The following TRIM14 variants were observed in gnomAD, a reference collection of about 807,000 sequenced individuals.
The protein encoded by TRIM14 is tripartite motif containing 14.
In TRIM14, 28 loss-of-function variants were observed where a neutral mutation model predicts 44.5. That is an observed-to-expected ratio of 0.63 (90% CI 0.47 to 0.86). The LOEUF is 0.86. Ranked by LOEUF, TRIM14 falls within the 40% of genes least tolerant of loss-of-function variation. The pLI is 0.00. For synonymous variants in TRIM14, 299 were observed against 269.2 expected, an observed-to-expected ratio of 1.11 and a Z score of -1.08; for missense variants, 607 against 611.1, an observed-to-expected ratio of 0.99 and a Z score of 0.07.
chr9:98,057,902 G>GTTTTTTTTTTTTTTCCTTTTTTTTTTT, the TRIM14 span, among the ~76,000 whole-genome samples: 1 of 93,230 alleles, frequency 1.1e-5, no homozygotes, highest in African/African-American at 4.2e-5. Flanking sequence ...TTCTCTTACT[G>GTTTTTTTTTTTTTTCCTTTTTTTTTTT]TTTTTTTTTT....
At chr9:98,041,227 C>T in the TRIM14 span, among the ~76,000 whole-genome samples, 2 of 151,974 alleles carry the variant, frequency 1.3e-5, 1 homozygote, top group Middle Eastern at 6.9e-3. Context: ...GACTTGTAAC[C>T]CACAAATAAT....
the TRIM14 span, among the ~76,000 whole-genome samples, chr9:98,054,983 T>C: frequency 5.3e-5 from 8 of 152,212 alleles, no homozygotes; most frequent in African/African-American, 1.9e-4. Context: ...TCACATCAAT[T>C]TCCCCTAGCA....
At chr9:98,092,027 C>A in intron 4 of TRIM14, 26 bp from the exon 5 acceptor site, 1 of 1,557,210 alleles carries the variant, frequency 6.4e-7, no homozygotes. Context: ...GAGAAATGAG[C>A]GCCCGGAGCT....
Position 98,100,158 on chromosome 9 carries a change from C to A in TRIM14, c.310G>T (p.Ala104Ser). 1.2e-6 allele frequency: 2 copies of A among 1,613,868 alleles called. No individual in the cohort carries two copies. The highest frequency in any genetic ancestry group is 1.7e-6 in the Non-Finnish European group (2 of 1,179,778). The change falls in exon 3 of 6, where the codon GCA becomes TCA. Residue 104 changes from alanine to serine, a missense_variant. By Grantham distance (99) the Ala-to-Ser change is moderately conservative (BLOSUM62 1). This residue lies in a region of TRIM14 where 246 missense variants were observed against 270.8 expected (regional missense o/e 0.91). Transcript: ENST00000341469. ...EDATEKLKANAESSKTWLKGK... is the reference protein window; with the variant it reads ...EDATEKLKANSESSKTWLKGK... Reference sequence around the variant, plus strand: ...TTCAGCCAGGTTTTACTTGACTCTGCATTAGCCTAAAAACAGAAAAACCAG... The same window carrying A: ...TTCAGCCAGGTTTTACTTGACTCTGAATTAGCCTAAAAACAGAAAAACCAG...
At chr9:98,063,087 G>A in the TRIM14 span, among the ~76,000 whole-genome samples, 47 of 151,070 alleles carry the variant, frequency 3.1e-4, no homozygotes, top group African/African-American at 1.1e-3. Context: ...ACCAGGCCTG[G>A]CTGATTTTTT....
chr9:98,045,172 T>C, the TRIM14 span, among the ~76,000 whole-genome samples: 14 of 151,928 alleles, frequency 9.2e-5, no homozygotes, highest in African/African-American at 3.4e-4. Flanking sequence ...AACAACAGCC[T>C]CCTAAGACAG....
At chr9:98,076,472 T>G (rs904901191) in intron 6 of TRIM14, 13 of 166,512 alleles carry the variant, frequency 7.8e-5, no homozygotes, top group Non-Finnish European at 6.4e-5. Context: ...CCTCCCAGGT[T>G]CAAGTGATTC....
At chr9:98,079,800 T>G (rs1829771167), downstream of TRIM14, among the ~76,000 whole-genome samples, 1 of 152,240 alleles carries the variant, frequency 6.6e-6, no homozygotes, top group African/African-American at 2.4e-5. Context: ...TATCCCATCT[T>G]GGGCCTGCAC....
chr9:98,046,054 A>C, the TRIM14 span, among the ~76,000 whole-genome samples: 11 of 152,110 alleles, frequency 7.2e-5, no homozygotes, highest in Admixed American at 2.6e-4. Flanking sequence ...GTAAATGGTA[A>C]TATTGCAGGG....
intron 2 of TRIM14, among the ~76,000 whole-genome samples, chr9:98,103,920 C>T (rs1826501506): frequency 6.6e-6 from 1 of 151,806 alleles, no homozygotes; most frequent in Non-Finnish European, 1.5e-5. Context: ...GCAGAATGAA[C>T]CCAGCACCCA....
intron 5 of TRIM14, among the ~76,000 whole-genome samples, chr9:98,091,180 G>A (rs367641026): frequency 2.6e-5 from 4 of 152,166 alleles, no homozygotes; most frequent in South Asian, 2.1e-4. Context: ...TACAAGAATG[G>A]ATGTTTATTA....
At chr9:98,043,983 G>T in the TRIM14 span, among the ~76,000 whole-genome samples, 1 of 149,128 alleles carries the variant, frequency 6.7e-6, no homozygotes, top group Non-Finnish European at 1.5e-5. Context: ...TGTTTTCTCC[G>T]CCTTCTTAGA....
At chr9:98,039,011 C>T in the TRIM14 span, among the ~76,000 whole-genome samples, 1 of 151,970 alleles carries the variant, frequency 6.6e-6, no homozygotes, top group South Asian at 2.1e-4. Context: ...GGTCGCGCCA[C>T]TGCACCCCAG....
At chr9:98,038,972 C>A in the TRIM14 span, among the ~76,000 whole-genome samples, 2 of 151,656 alleles carry the variant, frequency 1.3e-5, no homozygotes, top group East Asian at 2.0e-4. Flanking sequence ...ATCGCTTGAA[C>A]CCAGGAGGCA....
chr9:98,064,608 C>T (rs1225982877), downstream of TRIM14, among the ~76,000 whole-genome samples: 1 of 152,118 alleles, frequency 6.6e-6, no homozygotes, highest in Admixed American at 6.6e-5. Context: ...TCTTCACATA[C>T]AGTAATATAT....
intron 6 of TRIM14, among the ~76,000 whole-genome samples, chr9:98,073,265 C>T (rs932727475): frequency 7.9e-5 from 11 of 139,978 alleles, no homozygotes; most frequent in African/African-American, 3.0e-4. Context: ...AGCTCATCAC[C>T]ATGGGCTTTT....
At chr9:98,111,587 A>C (rs750526455) in intron 1 of TRIM14, among the ~76,000 whole-genome samples, 1 of 152,222 alleles carries the variant, frequency 6.6e-6, no homozygotes, top group African/African-American at 2.4e-5. Flanking sequence ...TTAAGAATGA[A>C]AAAATTAAAT....
At chr9:98,067,268 A>G (rs961411114), downstream of TRIM14, among the ~76,000 whole-genome samples, 4 of 152,178 alleles carry the variant, frequency 2.6e-5, no homozygotes, top group Non-Finnish European at 4.4e-5. Flanking sequence ...TCGGTATTAC[A>G]TATATGAGTG....
At chr9:98,072,133 C>T (rs1829363741) in intron 6 of TRIM14, among the ~76,000 whole-genome samples, 2 of 152,158 alleles carry the variant, frequency 1.3e-5, no homozygotes. Flanking sequence ...GGCTTGGGCT[C>T]CTCATGTAAC....
Sources: gnomAD v4.1 joint callset for allele counts (sites outside exome capture counted in the v4.1 genomes callset) on GRCh38, gnomAD v4.1.1 for gene constraint, gnomAD v4.1.1 regional missense constraint, MANE v1.5 for transcripts, NCBI Gene and HGNC (gene_info 2026-07-23, HGNC 2026-07-21) for gene names.